Variants in PCDHGA7 observed in about 807,000 individuals in gnomAD.
The protein encoded by PCDHGA7 is protocadherin gamma-A7.
Under a neutral mutation model 58.3 loss-of-function variants are expected in PCDHGA7, and 44 were observed. That is an observed-to-expected ratio of 0.75 (90% CI 0.59 to 0.97). PCDHGA7 has a LOEUF of 0.97. Among genes scored for constraint, PCDHGA7 ranks in the 50% least tolerant of loss-of-function variants. The probability of loss-of-function intolerance (pLI) is 0.00; values close to 1 mark genes in which losing one functional copy is unlikely to be tolerated. For missense variants in PCDHGA7, 1,266 were observed against 1,188.7 expected, an observed-to-expected ratio of 1.06 and a Z score of -0.96; for synonymous variants, 516 against 504.2, an observed-to-expected ratio of 1.02 and a Z score of -0.31.
Position 141,511,040 on chromosome 5 carries a change from C to T in PCDHGA7, c.2666C>T (p.Pro889Leu), listed in dbSNP as rs770767470. The T allele has an allele frequency of 6.2e-7, 1 of 1,614,216 alleles. No individual in the cohort carries two copies. The highest frequency in any genetic ancestry group is 1.7e-5 in the Admixed American group (1 of 60,034). Reference protein sequence around the residue: ...YGPQFTLQHVPDYRQNVYIPG... With the variant: ...YGPQFTLQHVLDYRQNVYIPG... ...CCCCAGTTCACCCTGCAGCACGTGC[C>T]CGACTACCGCCAGAATGTCTACATC... Residue 889 changes from proline (P) to leucine (L), a missense_variant, in exon 4 of 4, where the codon CCC becomes CTC. Physicochemically the swap from Pro to Leu is moderately conservative, Grantham distance 98. Transcript: ENST00000518325.
chr5:141,400,507 A>G (rs1158150708), intron 1 of PCDHGA7: 1 of 1,613,864 alleles, frequency 6.2e-7, no homozygotes, highest in Non-Finnish European at 8.5e-7. Context: ...CAGCGAGTCG[A>G]CTTCCCATCC....
chr5:141,422,850 G>C (rs184432819), intron 1 of PCDHGA7: 30 of 1,614,086 alleles, frequency 1.9e-5, no homozygotes, highest in Middle Eastern at 1.6e-4. Flanking sequence ...GCGGGGACCC[G>C]CCCCTCAGCA....
intron 1 of PCDHGA7, among the ~76,000 whole-genome samples, chr5:141,454,596 G>C (rs1184158084): frequency 1.3e-5 from 2 of 151,324 alleles, no homozygotes; most frequent in Non-Finnish European, 2.9e-5. Flanking sequence ...AGTAGAGACA[G>C]GGTTTCTCCA....
chr5:141,403,832 C>T (rs374600582), intron 1 of PCDHGA7: 1 of 1,613,684 alleles, frequency 6.2e-7, no homozygotes, highest in Non-Finnish European at 8.5e-7. Context: ...GCTATTCCAG[C>T]TTAATGAAAA....
intron 2 of PCDHGA7, 30 bp from the exon 3 acceptor site, chr5:141,505,361 AGT>A: frequency 6.2e-7 from 1 of 1,613,910 alleles, no homozygotes; most frequent in Non-Finnish European, 8.5e-7. Context: ...CCGGCCTGGG[AGT>A]CTGTGCTCAC....
rs764843194 is a variant in PCDHGA7 at position 141,490,530 on chromosome 5, T to A, written c.2425-4277T>A. 1.2e-6 allele frequency: 2 copies of A among 1,613,794 alleles called. No individual in the cohort carries two copies. Among genetic ancestry groups the A allele is most frequent in the African/African-American group, 2.7e-5 (2 of 74,846 alleles). ...TCGAGCTGCTGGCCAGCGATGCTGG[T>A]TCACCTTCCCTACACAAACATCTCA... On this transcript the variant is annotated intron_variant, in intron 1 of 3. Coordinates refer to ENST00000518325, the MANE Select transcript of PCDHGA7 (RefSeq NM_018920.4). This position sits in a 1 kb window ranked among gnomAD's most constrained non-coding sequence, Gnocchi z 5.4.
intron 1 of PCDHGA7, chr5:141,410,366 G>T: frequency 6.2e-7 from 1 of 1,613,774 alleles, no homozygotes; most frequent in Non-Finnish European, 8.5e-7. Flanking sequence ...TCTCAGCCCT[G>T]CTACTTGGGA....
chr5:141,413,425 C>T, intron 1 of PCDHGA7: 1 of 1,614,098 alleles, frequency 6.2e-7, no homozygotes, highest in Non-Finnish European at 8.5e-7. Flanking sequence ...TCTGAACCCG[C>T]GCAGCGGCAG....
At chr5:141,398,500 G>A (rs1366423528) in intron 1 of PCDHGA7, 1 of 1,607,950 alleles carries the variant, frequency 6.2e-7, no homozygotes, top group African/African-American at 1.4e-5. Context: ...GGAGATCGAG[G>A]ACATTAATGA....
At chr5:141,404,221 T>C (rs1028021504) in intron 1 of PCDHGA7, 2 of 1,613,766 alleles carry the variant, frequency 1.2e-6, no homozygotes, top group Non-Finnish European at 1.7e-6. Context: ...TCACGGTGAC[T>C]GCAACAGACA....
chr5:141,498,971 G>GGGAAGGAAGGAAGGAAGGAAGGAA (rs201769957), intron 2 of PCDHGA7, among the ~76,000 whole-genome samples: 2 of 110,972 alleles, frequency 1.8e-5, no homozygotes, highest in African/African-American at 3.6e-5. Context: ...GAGGGAGGGA[G>GGGAAGGAAGGAAGGAAGGAAGGAA]GGAAGGAAGG....
rs758181180 is a variant in PCDHGA7 at position 141,485,483 on chromosome 5, G to T, written c.2425-9324G>T. The T allele has an allele frequency of 1.9e-6, 3 of 1,614,106 alleles. No homozygotes were observed. The highest frequency in any genetic ancestry group is 2.5e-6 in the Non-Finnish European group (3 of 1,180,022). ...GTGTGGGCTCAGTGCCAGCTGCATC[G>T]TGCCCCTGGAGTTTGTCACCGAAGG... On this transcript the variant is annotated intron_variant, in intron 1 of 3. Coordinates refer to ENST00000518325, the MANE Select transcript of PCDHGA7 (RefSeq NM_018920.4). The surrounding 1 kb of genome is among the most constrained non-coding windows in gnomAD (Gnocchi z 5.7).
intron 1 of PCDHGA7, chr5:141,415,938 C>T (rs1351429284): frequency 3.4e-6 from 2 of 588,200 alleles, no homozygotes; most frequent in East Asian, 4.2e-5. Context: ...ATATTTCCTC[C>T]TGGGTGGTCA....
intron 1 of PCDHGA7, among the ~76,000 whole-genome samples, chr5:141,475,171 C>A (rs545499118): frequency 6.6e-6 from 1 of 152,164 alleles, no homozygotes; most frequent in African/African-American, 2.4e-5. Context: ...AGCAGTGCAA[C>A]TTCTTGTGGC....
intron 1 of PCDHGA7, among the ~76,000 whole-genome samples, chr5:141,442,913 AACT>A (rs1163578304): frequency 6.6e-6 from 1 of 152,214 alleles, no homozygotes. Flanking sequence ...TTCAGCACAC[AACT>A]GTTTCATTTT....
Position 141,489,560 on chromosome 5 carries a change from A to G in PCDHGA7, c.2425-5247A>G. On this transcript the variant is annotated intron_variant, in intron 1 of 3. Coordinates refer to ENST00000518325, the MANE Select transcript of PCDHGA7 (RefSeq NM_018920.4). The surrounding 1 kb of genome is among the most constrained non-coding windows in gnomAD (Gnocchi z 4.5). Reference sequence around the variant, plus strand: ...AGCACCAGCTGCCTGCTGCCAGTGCAGGTGGTGACTGAACACCCCCTGGAG... The same window carrying G: ...AGCACCAGCTGCCTGCTGCCAGTGCGGGTGGTGACTGAACACCCCCTGGAG... 1.2e-6 allele frequency: 2 copies of G among 1,614,142 alleles called. No homozygotes were observed. The highest frequency in any genetic ancestry group is 1.7e-6 in the Non-Finnish European group (2 of 1,180,030).
intron 1 of PCDHGA7, chr5:141,419,926 G>T: frequency 6.2e-7 from 1 of 1,614,096 alleles, no homozygotes; most frequent in South Asian, 1.1e-5. Flanking sequence ...CTGAGATGCA[G>T]TTTTACCTGG....
Position 141,485,582 on chromosome 5 carries a change from C to G in PCDHGA7, c.2425-9225C>G. The G allele has an allele frequency of 6.2e-7, 1 of 1,612,374 alleles. No individual in the cohort carries two copies. Among genetic ancestry groups the G allele is most frequent in the South Asian group, 1.1e-5 (1 of 90,956 alleles). On this transcript the variant is annotated intron_variant, in intron 1 of 3. Transcript: ENST00000518325. The surrounding 1 kb of genome is among the most constrained non-coding windows in gnomAD (Gnocchi z 5.7). ...TCACGCCCCCCGTTTTCCGCGGCAG[C>G]AGCTGGACTTGGAAATTGGGGAGGC...
chr5:141,431,216 C>A lies in PCDHGA7; in HGVS notation c.2424+45893C>A. On this transcript the variant is annotated intron_variant, in intron 1 of 3. Coordinates refer to ENST00000518325, the MANE Select transcript of PCDHGA7 (RefSeq NM_018920.4). The surrounding 1 kb of genome is among the most constrained non-coding windows in gnomAD (Gnocchi z 4.8). ...AAATGCAGCCACTGAGATGCGGTTC[C>A]CTCTACCCCACGCCTGGGATCCGGA... The A allele has an allele frequency of 6.2e-7, 1 of 1,614,162 alleles. No homozygotes were observed. The highest frequency in any genetic ancestry group is 8.5e-7 in the Non-Finnish European group (1 of 1,180,048).
Sources: gnomAD v4.1 joint callset for allele counts (sites outside exome capture counted in the v4.1 genomes callset) on GRCh38, gnomAD v4.1.1 for gene constraint, Gnocchi (gnomAD v3.1) non-coding constraint, MANE v1.5 for transcripts, NCBI Gene and HGNC (gene_info 2026-07-23, HGNC 2026-07-21) for gene names.